The following IMMP2L variants were observed in gnomAD, a reference collection of about 807,000 sequenced individuals.
IMMP2L encodes the protein inner mitochondrial membrane peptidase subunit 2.
A neutral mutation model predicts 19.3 loss-of-function variants in IMMP2L; 18 were observed. The ratio of observed to expected loss-of-function variants is 0.93; its 90% confidence interval spans 0.64 to 1.38. The LOEUF (loss-of-function observed/expected upper bound fraction) is 1.38, where lower values mean the gene tolerates loss of function less well. Among genes scored for constraint, IMMP2L ranks in the 40% most tolerant of loss-of-function variants. The probability of loss-of-function intolerance (pLI) is 0.00; values close to 1 mark genes in which losing one functional copy is unlikely to be tolerated. For missense variants in IMMP2L, 233 were observed against 218.2 expected, an observed-to-expected ratio of 1.07 and a Z score of -0.43; for synonymous variants, 76 against 73.0, an observed-to-expected ratio of 1.04 and a Z score of -0.21.
At chr7:111,227,232 A>C (rs1412506690) in intron 3 of IMMP2L, among the ~76,000 whole-genome samples, 1 of 152,010 alleles carries the variant, frequency 6.6e-6, no homozygotes, top group African/African-American at 2.4e-5. Context: ...ATTTACACCC[A>C]CACACATTTC....
chr7:111,502,992 G>A (rs1403598273), intron 2 of IMMP2L, among the ~76,000 whole-genome samples: 1 of 151,164 alleles, frequency 6.6e-6, no homozygotes, highest in African/African-American at 2.4e-5. Flanking sequence ...GAAGGAAATA[G>A]AGACACAAAA....
At chr7:111,436,565 A>C (rs915844902) in intron 3 of IMMP2L, among the ~76,000 whole-genome samples, 2 of 151,794 alleles carry the variant, frequency 1.3e-5, no homozygotes, top group Admixed American at 6.6e-5. Flanking sequence ...AATACTTTTT[A>C]AACATTTTTT....
rs1585669882 is a variant in IMMP2L at position 110,999,345 on chromosome 7, A to G, written c.240-35780T>C. ...ATTTTCCATGGTTTTTTTTTTTGAG[A>G]TTCTGGATTGTACCTCTTTTATTGG... On this transcript the variant is annotated intron_variant, in intron 3 of 5. Transcript: ENST00000405709. 6.4e-5 allele frequency among the ~76,000 whole-genome samples: 5 copies of G among 77,520 alleles called. No individual in the cohort carries two copies. In the South Asian group the frequency reaches 1.4e-3, roughly 22 times the overall value. The allele number at this position is 77,520 out of a possible 152,430, so 50.9% of individuals were successfully genotyped here.
intron 5 of IMMP2L, among the ~76,000 whole-genome samples, chr7:110,678,321 G>T (rs897176383): frequency 5.9e-5 from 9 of 151,998 alleles, no homozygotes; most frequent in Non-Finnish European, 1.0e-4. Context: ...TGTTACATAT[G>T]GCATAGACAT....
chr7:111,055,073 C>A (rs1425633206), intron 3 of IMMP2L, among the ~76,000 whole-genome samples: 7 of 129,212 alleles, frequency 5.4e-5, no homozygotes, highest in South Asian at 2.6e-4. Flanking sequence ...TTCCCAGAAA[C>A]AGGGTGCCAC....
intron 3 of IMMP2L, among the ~76,000 whole-genome samples, chr7:111,355,761 T>C (rs1430192704): frequency 6.6e-6 from 1 of 152,004 alleles, no homozygotes; most frequent in African/African-American, 2.4e-5. Flanking sequence ...AAGCTATTTT[T>C]TTAACTAAGG....
chr7:111,362,397 AT>A (rs1273802416), intron 3 of IMMP2L, among the ~76,000 whole-genome samples: 7 of 151,944 alleles, frequency 4.6e-5, no homozygotes, highest in African/African-American at 1.7e-4. Flanking sequence ...GAAGGGCTAG[AT>A]TTTTTTCTTT....
intron 5 of IMMP2L, among the ~76,000 whole-genome samples, chr7:110,782,963 T>C (rs934510679): frequency 1.3e-5 from 2 of 151,792 alleles, no homozygotes; most frequent in African/African-American, 4.8e-5. Context: ...AGTAAATAAA[T>C]TTTAGTGTGT....
rs1825259489 is a variant in IMMP2L at position 111,325,811 on chromosome 7, T to A, written c.239+161427A>T. On this transcript the variant is annotated intron_variant, in intron 3 of 5. Coordinates refer to ENST00000405709, the MANE Select transcript of IMMP2L (RefSeq NM_032549.4). ...CTTTTCCATACTACATTCTATCTTT[T>A]GGCATCATCAGTGTAGTAGATCAAA... Among the ~76,000 whole-genome samples, 3 of 151,908 alleles carry A rather than the reference T, an allele frequency of 2.0e-5. No individual in the cohort carries two copies. The South Asian group carries it at 6.2e-4, about 31-fold the overall frequency.
intron 3 of IMMP2L, among the ~76,000 whole-genome samples, chr7:111,376,650 TG>T (rs1329228895): frequency 1.1e-4 from 17 of 152,244 alleles, no homozygotes; most frequent in African/African-American, 4.1e-4. Flanking sequence ...ACAATCTAAA[TG>T]TTCATCAACT....
intron 3 of IMMP2L, among the ~76,000 whole-genome samples, chr7:111,466,083 C>A (rs1218242672): frequency 6.6e-6 from 1 of 152,050 alleles, no homozygotes; most frequent in Non-Finnish European, 1.5e-5. Context: ...GACAAAAAAA[C>A]CAAACACCAC....
At chr7:110,848,408 C>T (rs937447173) in intron 5 of IMMP2L, among the ~76,000 whole-genome samples, 2 of 152,014 alleles carry the variant, frequency 1.3e-5, no homozygotes, top group African/African-American at 2.4e-5. Flanking sequence ...GCTGACAACC[C>T]CAAATTCTGG....
chr7:111,241,812 G>C (rs1218827945), intron 3 of IMMP2L, among the ~76,000 whole-genome samples: 1 of 151,594 alleles, frequency 6.6e-6, no homozygotes, highest in Non-Finnish European at 1.5e-5. Flanking sequence ...ATAGAACTGA[G>C]TAACTTGAAA....
chr7:111,370,000 A>T (rs1772720579), intron 3 of IMMP2L, among the ~76,000 whole-genome samples: 1 of 152,026 alleles, frequency 6.6e-6, no homozygotes, highest in African/African-American at 2.4e-5. Context: ...GAAGCAATTA[A>T]TTCTGTTTAG....
intron 3 of IMMP2L, among the ~76,000 whole-genome samples, chr7:111,196,645 C>T (rs1437958680): frequency 1.3e-5 from 2 of 151,964 alleles, no homozygotes; most frequent in East Asian, 3.9e-4. Context: ...AGCACTTTCA[C>T]GAAATAGGAA....
At chr7:110,968,306 C>T (rs1181032678) in intron 3 of IMMP2L, among the ~76,000 whole-genome samples, 2 of 151,366 alleles carry the variant, frequency 1.3e-5, no homozygotes, top group Admixed American at 6.6e-5. Flanking sequence ...AAATAGGAGA[C>T]GTCATATAAA....
chr7:111,046,650 A>C (rs1490955941), intron 3 of IMMP2L, among the ~76,000 whole-genome samples: 1 of 152,214 alleles, frequency 6.6e-6, no homozygotes, highest in Non-Finnish European at 1.5e-5. Flanking sequence ...ATACCAGCTA[A>C]ACTATTAGTC....
At chr7:110,997,664 A>C (rs2129560641) in intron 3 of IMMP2L, among the ~76,000 whole-genome samples, 1 of 151,902 alleles carries the variant, frequency 6.6e-6, no homozygotes, top group African/African-American at 2.4e-5. Context: ...TATACTTTTC[A>C]GTGATTTTTT....
In IMMP2L at chr7:111,316,124, A is replaced by T. The variant is rs1481393397; in HGVS notation, c.239+171114T>A. On this transcript the variant is annotated intron_variant, in intron 3 of 5. Coordinates refer to ENST00000405709, the MANE Select transcript of IMMP2L (RefSeq NM_032549.4). ...ATCTAAACATAAAAAAGGTACAGTA[A>T]AAACATGGTATTATCCTCTTATGGG... 5.3e-5 allele frequency among the ~76,000 whole-genome samples: 8 copies of T among 152,192 alleles called. No individual in the cohort carries two copies. The East Asian group carries it at 1.5e-3, about 29-fold the overall frequency.
Sources: gnomAD v4.1 joint callset for allele counts (sites outside exome capture counted in the v4.1 genomes callset) on GRCh38, gnomAD v4.1.1 for gene constraint, MANE v1.5 for transcripts, NCBI Gene and HGNC (gene_info 2026-07-23, HGNC 2026-07-21) for gene names.